The following HDAC4 variants were observed in gnomAD, a reference collection of about 807,000 sequenced individuals.
The protein encoded by HDAC4 is histone deacetylase A.
HDAC4 carries 16 observed loss-of-function variants against 135.1 expected under a neutral mutation model. The ratio of observed to expected loss-of-function variants is 0.12; its 90% CI spans 0.08 to 0.18. The LOEUF is 0.18. Among genes scored for constraint, HDAC4 ranks in the 10% least tolerant of loss-of-function variants. The pLI, the probability that HDAC4 is intolerant of heterozygous loss-of-function variation, is 1.00. For missense variants in HDAC4, 1,143 were observed against 1,511.8 expected (o/e 0.76, Z 4.05); for synonymous variants, 685 against 653.4 (o/e 1.05, Z -0.74).
At chr2:239,158,282 A>T (rs1444407090) in intron 6 of HDAC4, among the ~76,000 whole-genome samples, 1 of 152,218 alleles carries the variant, frequency 6.6e-6, no homozygotes, top group Non-Finnish European at 1.5e-5. Context: ...ACCAGGTGAC[A>T]GTCTGGGACC....
At chr2:239,143,625 G>C (rs1008645168) in intron 8 of HDAC4, among the ~76,000 whole-genome samples, 1 of 152,210 alleles carries the variant, frequency 6.6e-6, no homozygotes, top group African/African-American at 2.4e-5. Flanking sequence ...GTAGAGAGGG[G>C]ACAGGGCACG....
At position 239,236,585 on chromosome 2, in the gene HDAC4, G is replaced by A. The variant is rs572528724; in HGVS notation, c.94+8C>T. The A allele has an allele frequency of 2.8e-5, 44 of 1,550,572 alleles. No individual in the cohort carries two copies. The highest frequency in any genetic ancestry group is 1.7e-4 in the Middle Eastern group (1 of 5,966). ...CCGGCCGGACAGGGCAGGGGTGGGCGGACTTACCCGTGCTGGGCATGTGGT... is the reference window on the plus strand; with the variant it reads ...CCGGCCGGACAGGGCAGGGGTGGGCAGACTTACCCGTGCTGGGCATGTGGT... On this transcript the variant is annotated splice_region_variant and intron_variant, in intron 3 of 26. Coordinates refer to ENST00000543185, the MANE Select transcript of HDAC4 (RefSeq NM_001378414.1).
At chr2:239,067,469 G>C (rs1164714617) in intron 23 of HDAC4, among the ~76,000 whole-genome samples, 1 of 152,220 alleles carries the variant, frequency 6.6e-6, no homozygotes, top group African/African-American at 2.4e-5. Context: ...GGGCTGGCGA[G>C]GCCGTAACTT....
At chr2:239,278,167 C>CACA in intron 2 of HDAC4, among the ~76,000 whole-genome samples, 1 of 128,678 alleles carries the variant, frequency 7.8e-6, no homozygotes, top group East Asian at 2.0e-4. Context: ...TTCAAATTAT[C>CACA]CCACCATTAG....
chr2:239,270,999 C>T (rs1171573727), intron 2 of HDAC4, among the ~76,000 whole-genome samples: 1 of 152,180 alleles, frequency 6.6e-6, no homozygotes, highest in Non-Finnish European at 1.5e-5. Flanking sequence ...ACTTACAACT[C>T]AAAGGACCGG....
rs1270926362 is a variant in HDAC4 at position 239,245,896 on chromosome 2, G to A, written c.23-9232C>T. Among the ~76,000 whole-genome samples the A allele has an allele frequency of 1.3e-5, 2 of 152,088 alleles. No individual in the cohort carries two copies. Among genetic ancestry groups the A allele is most frequent in the Non-Finnish European group, 2.9e-5 (2 of 68,030 alleles). On this transcript the variant is annotated intron_variant, in intron 2 of 26. Transcript: ENST00000543185. This position sits in a 1 kb window ranked among gnomAD's most constrained non-coding sequence, Gnocchi z 4.4. ...CCTATGTGTTCAAGCAGACACACAC[G>A]TCTGGTTCACAGCTCAGCGAGCAGG...
At chr2:239,198,869 C>T (rs1198458567) in intron 3 of HDAC4, among the ~76,000 whole-genome samples, 3 of 152,206 alleles carry the variant, frequency 2.0e-5, no homozygotes, top group Non-Finnish European at 4.4e-5. Flanking sequence ...TCATCCACCA[C>T]TTCCCCACCT....
At chr2:239,159,481 C>A (rs534539739) in intron 6 of HDAC4, among the ~76,000 whole-genome samples, 1 of 148,802 alleles carries the variant, frequency 6.7e-6, no homozygotes, top group East Asian at 2.0e-4. Flanking sequence ...ACACGCACAC[C>A]CCACCCACAC....
rs573033459 is a variant in HDAC4 at position 239,107,843 on chromosome 2, C to T, written c.2112+207G>A. Among the ~76,000 whole-genome samples, 7 of 152,328 alleles carry T rather than the reference C, an allele frequency of 4.6e-5. No individual in the cohort carries two copies. In the East Asian group the frequency reaches 5.8e-4, roughly 13 times the overall value. On this transcript the variant is annotated intron_variant, in intron 15 of 26. Coordinates refer to ENST00000543185, the MANE Select transcript of HDAC4 (RefSeq NM_001378414.1). ...GCAGCAGCTTCCTGCAGGGAGGGTA[C>T]GGGACTCCAGGGAGACAGCCCCGGG...
chr2:239,283,061 A>C (rs982399271), intron 2 of HDAC4, among the ~76,000 whole-genome samples: 5 of 152,274 alleles, frequency 3.3e-5, no homozygotes, highest in African/African-American at 4.8e-5. Flanking sequence ...ACCACTCCAC[A>C]AACAAAACAT....
intron 24 of HDAC4, 138 bp downstream of exon 24, chr2:239,066,584 G>A (rs2033517776): frequency 2.7e-6 from 3 of 1,127,202 alleles, no homozygotes; most frequent in Admixed American, 1.7e-5. Context: ...TGGGGGGCAG[G>A]TGCAAGGCGG....
rs1311993172 is a variant in HDAC4, at chr2:239,262,717, G to C, written c.23-26053C>G. Among the ~76,000 whole-genome samples, 1 of 152,218 alleles carries C rather than the reference G, an allele frequency of 6.6e-6. No homozygotes were observed. Among genetic ancestry groups the C allele is most frequent in the Non-Finnish European group, 1.5e-5 (1 of 68,042 alleles). On this transcript the variant is annotated intron_variant, in intron 2 of 26. Transcript: ENST00000543185. This position sits in a 1 kb window ranked among gnomAD's most constrained non-coding sequence, Gnocchi z 4.1. ...ACCCCCAAGGGTGCACACGGCTGAA[G>C]GCGCAACGGGCACAGGGCATTCTGT...
chr2:239,239,616 G>A (rs551010126), intron 2 of HDAC4, among the ~76,000 whole-genome samples: 1 of 152,288 alleles, frequency 6.6e-6, no homozygotes, highest in Admixed American at 6.5e-5. Context: ...CAGGAACGAG[G>A]ACAAAGACCA....
intron 26 of HDAC4, 150 bp downstream of exon 26, chr2:239,053,310 G>T (rs1258048802): frequency 2.3e-6 from 3 of 1,294,378 alleles, no homozygotes; most frequent in African/African-American, 2.9e-5. Context: ...TCTCTAAGGG[G>T]CTTTGGCACT....
intron 22 of HDAC4, among the ~76,000 whole-genome samples, chr2:239,070,470 G>A (rs748913152): frequency 1.3e-5 from 2 of 152,254 alleles, no homozygotes; most frequent in South Asian, 2.1e-4. Context: ...GAATCCATGC[G>A]TATGCTATGA....
intron 22 of HDAC4, among the ~76,000 whole-genome samples, chr2:239,076,998 T>C (rs2034831402): frequency 6.6e-6 from 1 of 152,122 alleles, no homozygotes; most frequent in Non-Finnish European, 1.5e-5. Flanking sequence ...CTCTTTGAGA[T>C]GGCCCCACCT....
At chr2:239,298,348 C>T (rs988515630) in intron 2 of HDAC4, 3 of 1,203,306 alleles carry the variant, frequency 2.5e-6, no homozygotes, top group Non-Finnish European at 3.2e-6. Context: ...AAGATGCTTC[C>T]AGAACCTGAC....
At chr2:239,384,198 G>A (rs1305906821) in intron 1 of HDAC4, among the ~76,000 whole-genome samples, 1 of 152,200 alleles carries the variant, frequency 6.6e-6, no homozygotes, top group African/African-American at 2.4e-5. Context: ...CAGGTCCTCT[G>A]TATCAGCTGT....
At chr2:239,140,917 A>G (rs1432277684) in intron 8 of HDAC4, 8 of 460,308 alleles carry the variant, frequency 1.7e-5, no homozygotes, top group Non-Finnish European at 3.6e-5. Flanking sequence ...CTCTGCAAAT[A>G]TAGCCCCGAG....
Sources: allele counts gnomAD v4.1 joint callset (sites outside exome capture counted in the v4.1 genomes callset), GRCh38; gene constraint gnomAD v4.1.1; non-coding constraint Gnocchi (gnomAD v3.1); transcripts MANE v1.5; gene names NCBI Gene and HGNC (gene_info 2026-07-23, HGNC 2026-07-21).